The following CDKAL1 variants were observed in gnomAD, a reference collection of about 807,000 sequenced individuals.
The protein encoded by CDKAL1 is threonylcarbamoyladenosine tRNA methylthiotransferase.
A neutral mutation model predicts 68.2 loss-of-function variants in CDKAL1; 32 were observed. The ratio of observed to expected loss-of-function variants is 0.47; its 90% CI spans 0.35 to 0.63. The LOEUF (loss-of-function observed/expected upper bound fraction) is 0.63, where lower values mean the gene tolerates loss of function less well. Among genes scored for constraint, CDKAL1 ranks in the 30% least tolerant of loss-of-function variants. The pLI is 0.00. For synonymous variants in CDKAL1, 234 were observed against 244.3 expected (o/e 0.96, Z 0.39); for missense variants, 606 against 696.7 (o/e 0.87, Z 1.47).
chr6:20,753,408 T>C (rs1774017785), intron 6 of CDKAL1, among the ~76,000 whole-genome samples: 1 of 152,226 alleles, frequency 6.6e-6, no homozygotes, highest in Admixed American at 6.5e-5. Flanking sequence ...ATACAGTATT[T>C]TTACTGTACC....
chr6:20,877,881 A>G (rs551383368), intron 9 of CDKAL1, among the ~76,000 whole-genome samples: 24 of 152,204 alleles, frequency 1.6e-4, no homozygotes, highest in African/African-American at 5.3e-4. Flanking sequence ...CTCTATTTCT[A>G]GCCTTAGCCC....
chr6:20,994,005 C>CT (rs1192405718), intron 10 of CDKAL1, among the ~76,000 whole-genome samples: 1 of 152,200 alleles, frequency 6.6e-6, no homozygotes, highest in Non-Finnish European at 1.5e-5. Flanking sequence ...ACTGCTCCCC[C>CT]TCCCATGTGA....
intron 8 of CDKAL1, among the ~76,000 whole-genome samples, chr6:20,833,992 G>A (rs1323746453): frequency 6.6e-6 from 1 of 152,148 alleles, no homozygotes; most frequent in Non-Finnish European, 1.5e-5. Context: ...AGGAAATCCA[G>A]CGATCTGTGC....
At chr6:20,670,646 C>G (rs1769768892) in intron 5 of CDKAL1, among the ~76,000 whole-genome samples, 1 of 152,070 alleles carries the variant, frequency 6.6e-6, no homozygotes, top group Non-Finnish European at 1.5e-5. Context: ...CTCTTATTCC[C>G]CATTTATTCA....
rs573971391 is a variant in CDKAL1, at chr6:20,919,772, T to C, written c.743-35647T>C. On this transcript the variant is annotated intron_variant, in intron 9 of 15. Transcript: ENST00000274695. ...AACACCTTACTATAATCTGGGGGAA[T>C]TTCCAACCTTACGAGAACCATCCTC... 6.8e-4 allele frequency among the ~76,000 whole-genome samples: 104 copies of C among 152,320 alleles called. 1 individual carries two copies. Among genetic ancestry groups the C allele is most frequent in the African/African-American group, 1.8e-3 (76 of 41,574 alleles).
intron 9 of CDKAL1, among the ~76,000 whole-genome samples, chr6:20,861,344 G>GT (rs1759617288): frequency 6.6e-6 from 1 of 152,246 alleles, no homozygotes; most frequent in Non-Finnish European, 1.5e-5. Context: ...AATGGGTTCT[G>GT]TTATTTGCCA....
At chr6:20,543,581 G>T (rs1396650601) in intron 2 of CDKAL1, among the ~76,000 whole-genome samples, 1 of 152,072 alleles carries the variant, frequency 6.6e-6, no homozygotes, top group African/African-American at 2.4e-5. Flanking sequence ...TAAAGCAAAA[G>T]TTTTAAATTT....
chr6:20,580,019 G>A (rs1765076385), intron 4 of CDKAL1, among the ~76,000 whole-genome samples: 2 of 152,172 alleles, frequency 1.3e-5, no homozygotes, highest in Admixed American at 6.5e-5. Context: ...GCTTATTCAA[G>A]GCTGTATTTA....
At chr6:20,817,910 A>C (rs1337013894) in intron 8 of CDKAL1, among the ~76,000 whole-genome samples, 1 of 152,190 alleles carries the variant, frequency 6.6e-6, no homozygotes, top group Non-Finnish European at 1.5e-5. Flanking sequence ...TATGATAATA[A>C]TGACAGGCTG....
At chr6:21,227,549 T>C (rs1779796086) in intron 15 of CDKAL1, among the ~76,000 whole-genome samples, 1 of 152,272 alleles carries the variant, frequency 6.6e-6, no homozygotes, top group African/African-American at 2.4e-5. Flanking sequence ...ATTTACCCTC[T>C]CCTGCTCCGC....
chr6:20,851,629 G>A (rs1759019751), intron 9 of CDKAL1, among the ~76,000 whole-genome samples: 1 of 152,020 alleles, frequency 6.6e-6, no homozygotes, highest in African/African-American at 2.4e-5. Flanking sequence ...TTATGGAAAG[G>A]TAAAATAAAT....
In CDKAL1 at chr6:21,000,393, G is replaced by A. The variant is rs764116804; in HGVS notation, c.1055+21G>A. On this transcript the variant is annotated intron_variant, in intron 11 of 15. Coordinates refer to ENST00000274695, the MANE Select transcript of CDKAL1 (RefSeq NM_017774.3). Reference sequence around the variant, plus strand: ...GAGAAGTAAGTCTGTTAGTACTTAAGAAAATAACCATTTCTTTTTTCTTTC... The same window carrying A: ...GAGAAGTAAGTCTGTTAGTACTTAAAAAAATAACCATTTCTTTTTTCTTTC... 1.9e-5 allele frequency: 30 copies of A among 1,583,820 alleles called. No individual in the cohort carries two copies. In the African/African-American group the frequency reaches 3.8e-4, roughly 20 times the overall value.
chr6:21,037,767 A>G (rs895501256), intron 11 of CDKAL1, among the ~76,000 whole-genome samples: 1 of 152,166 alleles, frequency 6.6e-6, no homozygotes, highest in African/African-American at 2.4e-5. Context: ...TTCATTCTCC[A>G]GTGATTCTGC....
chr6:20,846,224 T>G (rs1359816818), intron 9 of CDKAL1, 46 bp downstream of exon 9: 1 of 1,215,200 alleles, frequency 8.2e-7, no homozygotes, highest in Non-Finnish European at 1.2e-6. Flanking sequence ...TCTTAATAAA[T>G]TATGTTAGCC....
chr6:21,065,845 A>G (rs1406268188), intron 12 of CDKAL1, among the ~76,000 whole-genome samples: 1 of 152,000 alleles, frequency 6.6e-6, no homozygotes, highest in Non-Finnish European at 1.5e-5. Flanking sequence ...CTCAAAACAA[A>G]TATCTACTTT....
At chr6:20,807,573 A>G (rs1378940376) in intron 8 of CDKAL1, among the ~76,000 whole-genome samples, 1 of 152,196 alleles carries the variant, frequency 6.6e-6, no homozygotes, top group Non-Finnish European at 1.5e-5. Context: ...TCTGAACACT[A>G]AATGGCTTTG....
intron 5 of CDKAL1, among the ~76,000 whole-genome samples, chr6:20,666,566 A>T (rs1260342515): frequency 1.3e-5 from 2 of 151,978 alleles, no homozygotes; most frequent in Non-Finnish European, 2.9e-5. Flanking sequence ...CGTCTTAGGT[A>T]TTCTTCTTTA....
intron 12 of CDKAL1, among the ~76,000 whole-genome samples, chr6:21,077,221 A>C (rs1772120789): frequency 6.6e-6 from 1 of 152,058 alleles, no homozygotes; most frequent in South Asian, 2.1e-4. Context: ...TTCACCTTCT[A>C]TTTTATTATG....
intron 8 of CDKAL1, among the ~76,000 whole-genome samples, chr6:20,843,098 A>G (rs1219469704): frequency 6.6e-6 from 1 of 152,106 alleles, no homozygotes; most frequent in African/African-American, 2.4e-5. Flanking sequence ...GTTGACTTTT[A>G]AGCCAACCTG....
Sources: gnomAD v4.1 joint callset for allele counts (sites outside exome capture counted in the v4.1 genomes callset) on GRCh38, gnomAD v4.1.1 for gene constraint, MANE v1.5 for transcripts, NCBI Gene and HGNC (gene_info 2026-07-23, HGNC 2026-07-21) for gene names.